Variants in NFATC1 observed in about 807,000 individuals in gnomAD.
NFATC1 encodes nuclear factor of activated T cells 1.
Under a neutral mutation model 76.0 loss-of-function variants are expected in NFATC1, and 22 were observed. That is an observed-to-expected ratio of 0.29 (90% confidence interval 0.21 to 0.41). The LOEUF is 0.41. Among genes scored for constraint, NFATC1 ranks in the 10% least tolerant of loss-of-function variants. The probability of loss-of-function intolerance (pLI) is 1.00; values close to 1 mark genes in which losing one functional copy is unlikely to be tolerated. For synonymous variants in NFATC1, 704 were observed against 613.1 expected (o/e 1.15, Z -2.19); for missense variants, 1,357 against 1,337.7 (o/e 1.01, Z -0.23).
chr18:79,495,016 G>A (rs1240632649), intron 9 of NFATC1, among the ~76,000 whole-genome samples: 1 of 152,222 alleles, frequency 6.6e-6, no homozygotes, highest in Non-Finnish European at 1.5e-5. Flanking sequence ...TGAGCATGGA[G>A]CCCATGGCTG....
chr18:79,403,429 G>A (rs776922302), intron 1 of NFATC1, among the ~76,000 whole-genome samples: 15 of 152,202 alleles, frequency 9.9e-5, no homozygotes, highest in Non-Finnish European at 8.8e-5. Flanking sequence ...AGCAGGCCCC[G>A]GGCTTCCCTC....
chr18:79,511,113 A>G (rs1408432073), intron 9 of NFATC1, among the ~76,000 whole-genome samples: 3 of 152,346 alleles, frequency 2.0e-5, no homozygotes, highest in South Asian at 2.1e-4. Context: ...CGGCAATTAC[A>G]GGAACCTAAT....
At chr18:79,402,431 C>T in intron 1 of NFATC1, 1 of 978,064 alleles carries the variant, frequency 1.0e-6, no homozygotes, top group Non-Finnish European at 1.2e-6. Context: ...TCCCCCAAAA[C>T]ACTCCTTGAG....
At position 79,467,559 on chromosome 18, in the gene NFATC1, G is replaced by A. The variant is rs779877080; in HGVS notation, c.2069G>A (p.Arg690His). The A allele has an allele frequency of 3.7e-5, 59 of 1,613,828 alleles. 1 individual carries two copies. In the Admixed American group the frequency reaches 5.3e-4, roughly 15 times the overall value. Reference sequence around the variant, plus strand: ...AAGAGAAAGCGAAGCCAGTACCAGCGTTTCACCTACCTTCCCGCCAACGGT... The same window carrying A: ...AAGAGAAAGCGAAGCCAGTACCAGCATTTCACCTACCTTCCCGCCAACGGT... ...NGKRKRSQYQ[R>H]FTYLPANVPI... Residue 690 changes from arginine to histidine, a missense_variant, in exon 8 of 10, where the codon CGT (arginine) becomes CAT (histidine). Arg to His is a conservative substitution (Grantham distance 29). Around this residue, in one of 3 missense-constraint regions of NFATC1, gnomAD observed 424 missense variants for 395.4 expected, o/e 1.07. Transcript: ENST00000427363.
At chr18:79,513,940 C>A (rs974072971) in intron 9 of NFATC1, among the ~76,000 whole-genome samples, 1 of 152,216 alleles carries the variant, frequency 6.6e-6, no homozygotes, top group African/African-American at 2.4e-5. Context: ...TTCTCGGGGA[C>A]GTGTCCCCAC....
intron 1 of NFATC1, chr18:79,400,614 CG>C: frequency 1.3e-6 from 1 of 761,092 alleles, no homozygotes; most frequent in Non-Finnish European, 1.8e-6. Context: ...GGGGCTACGG[CG>C]GGGGACGCTG....
At chr18:79,427,684 T>G (rs12954400) in intron 2 of NFATC1, among the ~76,000 whole-genome samples, 1 of 50,148 alleles carries the variant, frequency 2.0e-5, no homozygotes, top group Non-Finnish European at 3.4e-5. Flanking sequence ...GGGGGCTGGA[T>G]GGCTGGCCTC....
chr18:79,447,839 G>A (rs2087279749), intron 3 of NFATC1, among the ~76,000 whole-genome samples: 1 of 152,270 alleles, frequency 6.6e-6, no homozygotes, highest in African/African-American at 2.4e-5. Context: ...ACTCACTGCT[G>A]AAGGCGGAAC....
intron 9 of NFATC1, among the ~76,000 whole-genome samples, chr18:79,508,312 G>C (rs556485022): frequency 6.6e-6 from 1 of 152,116 alleles, no homozygotes; most frequent in African/African-American, 2.4e-5. Flanking sequence ...AGAGGGTGCC[G>C]GGCAGGAGGA....
chr18:79,449,020 G>A, intron 4 of NFATC1, 36 bp downstream of exon 4: 1 of 1,602,758 alleles, frequency 6.2e-7, no homozygotes, highest in South Asian at 1.1e-5. Flanking sequence ...CTGGCAGGGG[G>A]CGGTAGGAGG....
chr18:79,458,416 C>T (rs2087862245), intron 6 of NFATC1, among the ~76,000 whole-genome samples: 1 of 152,080 alleles, frequency 6.6e-6, no homozygotes, highest in African/African-American at 2.4e-5. Context: ...ACCAGCGGCC[C>T]TCGTGGCTTT....
chr18:79,402,690 A>G (rs1278911326), intron 1 of NFATC1, among the ~76,000 whole-genome samples: 1 of 152,172 alleles, frequency 6.6e-6, no homozygotes, highest in Admixed American at 6.5e-5. Flanking sequence ...AGTTGCTAGG[A>G]AGGGTTCTTT....
At chr18:79,475,403 G>A (rs1237743193) in intron 8 of NFATC1, among the ~76,000 whole-genome samples, 6 of 148,424 alleles carry the variant, frequency 4.0e-5, no homozygotes, top group Admixed American at 2.0e-4. Flanking sequence ...GTGTTCTCAC[G>A]CTCACCGTCG....
intron 3 of NFATC1, among the ~76,000 whole-genome samples, chr18:79,436,375 G>C (rs894300010): frequency 9.2e-5 from 14 of 152,214 alleles, no homozygotes; most frequent in Non-Finnish European, 1.6e-4. Context: ...TCGTCTGTCC[G>C]CTGCATCTCA....
At chr18:79,407,062 A>G (rs930291535) in intron 1 of NFATC1, among the ~76,000 whole-genome samples, 1 of 152,230 alleles carries the variant, frequency 6.6e-6, no homozygotes, top group Non-Finnish European at 1.5e-5. Flanking sequence ...AGAGGGCTAC[A>G]GTTTGCCTGG....
intron 3 of NFATC1, among the ~76,000 whole-genome samples, chr18:79,447,185 G>A (rs945812353): frequency 6.6e-6 from 1 of 152,254 alleles, no homozygotes; most frequent in Non-Finnish European, 1.5e-5. Context: ...CTAAGCTGGA[G>A]CCACGGAGCA....
At position 79,465,581 on chromosome 18, in the gene NFATC1, C is replaced by T. The variant is rs1037107247; in HGVS notation, c.1960-1869C>T. ...CCACCCCAGCCTGTCCCGTGGGGTC[C>T]CCGCCTCCCCACTCCTCGCTGCTGC... On this transcript the variant is annotated intron_variant, in intron 7 of 9. Coordinates refer to ENST00000427363, the MANE Select transcript of NFATC1 (RefSeq NM_001278669.2). This position sits in a 1 kb window ranked among gnomAD's most constrained non-coding sequence, Gnocchi z 4.2. 1.6e-4 allele frequency among the ~76,000 whole-genome samples: 24 copies of T among 152,334 alleles called. No individual in the cohort carries two copies. The highest frequency in any genetic ancestry group is 2.6e-4 in the Non-Finnish European group (18 of 68,040).
At chr18:79,458,974 G>GCCCTCA in intron 6 of NFATC1, among the ~76,000 whole-genome samples, 1 of 152,370 alleles carries the variant, frequency 6.6e-6, no homozygotes, top group Middle Eastern at 3.4e-3. Flanking sequence ...CAGAAAGCCT[G>GCCCTCA]CCCTCACCCT....
In NFATC1 at chr18:79,528,304, G is replaced by GCA. The variant is rs1266428139; in HGVS notation, c.*730_*731dup. ...GAACATAGCACAAGTAACTTGAATA[G>GCA]CACATCAATAGGTTACTGGACAAAA... is the stretch of plus-strand genomic sequence containing the variant. On this transcript the variant is annotated 3_prime_UTR_variant, in exon 10 of 10. Transcript: ENST00000427363. The GCA allele has an allele frequency of 2.7e-5, 5 of 182,884 alleles. No homozygotes were observed. The highest frequency in any genetic ancestry group is 9.3e-5 in the African/African-American group (4 of 42,900). 11.3% of individuals were successfully genotyped at this position (182,884 alleles called of 1,614,324 possible).
Sources: gnomAD v4.1 joint callset for allele counts (sites outside exome capture counted in the v4.1 genomes callset) on GRCh38, gnomAD v4.1.1 for gene constraint, gnomAD v4.1.1 regional missense constraint, Gnocchi (gnomAD v3.1) non-coding constraint, MANE v1.5 for transcripts, NCBI Gene and HGNC (gene_info 2026-07-23, HGNC 2026-07-21) for gene names.